NCALD: variants seen among roughly 807,000 people sequenced by gnomAD.
NCALD encodes the protein neurocalcin-delta.
In NCALD, 10 loss-of-function variants were observed where a neutral mutation model predicts 18.6. That is an observed-to-expected ratio of 0.54 (90% CI 0.33 to 0.91). The LOEUF is 0.91. Among genes scored for constraint, NCALD ranks in the 40% least tolerant of loss-of-function variants. NCALD has a pLI of 0.03. For synonymous variants in NCALD, 88 were observed against 87.4 expected (o/e 1.01, Z -0.04); for missense variants, 184 against 247.6 (o/e 0.74, Z 1.72).
At chr8:102,062,787 C>T (rs1349702313) in intron 1 of NCALD, among the ~76,000 whole-genome samples, 2 of 152,156 alleles carry the variant, frequency 1.3e-5, no homozygotes, top group African/African-American at 4.8e-5. Flanking sequence ...AGGGGCCAAG[C>T]CAATCCACAA....
intron 4 of NCALD, among the ~76,000 whole-genome samples, chr8:101,859,314 G>T (rs748775896): frequency 7.2e-5 from 11 of 152,178 alleles, no homozygotes; most frequent in Non-Finnish European, 1.5e-4. Context: ...CGGTTGCACT[G>T]CCAGCTTCCC....
rs139336218 is a variant in NCALD, at chr8:101,842,090, T to C, written c.-20+45051A>G. On this transcript the variant is annotated intron_variant, in intron 4 of 6. Coordinates refer to the NCALD transcript ENST00000311028. ...GGTTTTATCTGAGGTCTCTTTCCCT[T>C]GGCTTGTAGATGTCTGTCTTCTTCC... Among the ~76,000 whole-genome samples, 279 of 152,340 alleles carry C rather than the reference T, an allele frequency of 1.8e-3. 1 individual carries two copies. Among genetic ancestry groups the C allele is most frequent in the Non-Finnish European group, 3.2e-3 (219 of 68,030 alleles).
chr8:101,889,573 G>A (rs1318202572), intron 3 of NCALD, among the ~76,000 whole-genome samples: 2 of 152,158 alleles, frequency 1.3e-5, no homozygotes, highest in African/African-American at 4.8e-5. Flanking sequence ...TAGCTCAAAT[G>A]GTGAGAGGAG....
chr8:101,698,668 C>T (rs2130090585), intron 2 of NCALD, among the ~76,000 whole-genome samples: 1 of 152,202 alleles, frequency 6.6e-6, no homozygotes, highest in South Asian at 2.1e-4. Flanking sequence ...CCTCACAAAA[C>T]AAGTAATGGG....
At chr8:102,057,297 T>C (rs1038209638) in intron 1 of NCALD, among the ~76,000 whole-genome samples, 5 of 140,146 alleles carry the variant, frequency 3.6e-5, no homozygotes, top group Non-Finnish European at 7.9e-5. Flanking sequence ...TATGTACATA[T>C]AGATAGATAG....
At chr8:102,081,801 G>A (rs1259681949) in intron 1 of NCALD, among the ~76,000 whole-genome samples, 1 of 152,142 alleles carries the variant, frequency 6.6e-6, no homozygotes, top group African/African-American at 2.4e-5. Context: ...GAGAAACCCT[G>A]GGTTGGGCAC....
At chr8:101,880,082 G>A (rs2131453136) in intron 4 of NCALD, among the ~76,000 whole-genome samples, 1 of 152,042 alleles carries the variant, frequency 6.6e-6, no homozygotes, top group African/African-American at 2.4e-5. Flanking sequence ...TGGTGTGGGG[G>A]GGAGGGGGGG....
At chr8:101,905,583 C>T (rs967920214) in intron 3 of NCALD, among the ~76,000 whole-genome samples, 10 of 152,154 alleles carry the variant, frequency 6.6e-5, no homozygotes, top group African/African-American at 2.4e-4. Context: ...TGCCTTCTGA[C>T]TAGTCCCCCA....
chr8:102,101,186 C>T (rs537103644), intron 1 of NCALD, among the ~76,000 whole-genome samples: 10 of 152,262 alleles, frequency 6.6e-5, no homozygotes, highest in Admixed American at 3.3e-4. Flanking sequence ...CCAGTGTGCA[C>T]GCGTCCTCTC....
chr8:102,024,624 A>C (rs1763123720), intron 1 of NCALD, among the ~76,000 whole-genome samples: 1 of 152,132 alleles, frequency 6.6e-6, no homozygotes, highest in South Asian at 2.1e-4. Context: ...CCTCTCATCA[A>C]TAACCAAATC....
chr8:101,741,338 A>T (rs1203437619), intron 1 of NCALD, among the ~76,000 whole-genome samples: 1 of 152,214 alleles, frequency 6.6e-6, no homozygotes, highest in Non-Finnish European at 1.5e-5. Flanking sequence ...CAAGCTTATT[A>T]GTACACATAG....
At chr8:101,697,739 A>C (rs1174562731) in intron 2 of NCALD, among the ~76,000 whole-genome samples, 2 of 152,216 alleles carry the variant, frequency 1.3e-5, no homozygotes, top group Non-Finnish European at 2.9e-5. Flanking sequence ...CCTTTGATAA[A>C]GGCCTTCATG....
chr8:102,061,248 G>A (rs111595765), intron 1 of NCALD, among the ~76,000 whole-genome samples: 24 of 152,300 alleles, frequency 1.6e-4, no homozygotes, highest in Non-Finnish European at 2.6e-4. Context: ...ACCCACTTAC[G>A]GGTAGGAGCC....
intron 4 of NCALD, among the ~76,000 whole-genome samples, chr8:101,803,037 A>G (rs192692910): frequency 6.6e-6 from 1 of 152,202 alleles, no homozygotes; most frequent in Admixed American, 6.5e-5. Flanking sequence ...TGTGGATGAA[A>G]TCGCCTCTGA....
chr8:102,030,256 A>G (rs988474461), intron 1 of NCALD, among the ~76,000 whole-genome samples: 5 of 152,340 alleles, frequency 3.3e-5, no homozygotes, highest in East Asian at 1.9e-4. Flanking sequence ...GAATCAGAGA[A>G]AGGCCTGAGC....
chr8:101,929,457 G>A (rs1397611246), intron 2 of NCALD, among the ~76,000 whole-genome samples: 1 of 54,572 alleles, frequency 1.8e-5, no homozygotes, highest in African/African-American at 8.9e-5. Flanking sequence ...GAGGGAGGGA[G>A]GAAGGAAGAA....
chr8:101,843,784 G>C (rs1814750736), intron 4 of NCALD, among the ~76,000 whole-genome samples: 1 of 151,944 alleles, frequency 6.6e-6, no homozygotes. Context: ...CTTTCACCAT[G>C]CTGGCCAGGC....
intron 1 of NCALD, among the ~76,000 whole-genome samples, chr8:102,122,287 T>C (rs1016908449): frequency 1.3e-5 from 2 of 152,094 alleles, no homozygotes; most frequent in Admixed American, 1.3e-4. Flanking sequence ...ATGAGGTTAA[T>C]GAAGAGAGAA....
chr8:102,073,344 T>G (rs1282074682), intron 1 of NCALD, among the ~76,000 whole-genome samples: 1 of 152,116 alleles, frequency 6.6e-6, no homozygotes, highest in Non-Finnish European at 1.5e-5. Flanking sequence ...GAATATTTCA[T>G]GACATATAAT....
Sources: gnomAD v4.1 joint callset for allele counts (sites outside exome capture counted in the v4.1 genomes callset) on GRCh38, gnomAD v4.1.1 for gene constraint, MANE v1.5 for transcripts, NCBI Gene and HGNC (gene_info 2026-07-23, HGNC 2026-07-21) for gene names.